Variants in KAT6B observed in about 807,000 individuals in gnomAD.
KAT6B encodes lysine acetyltransferase 6B.
In KAT6B, 10 loss-of-function variants were observed where a neutral mutation model predicts 187.5. That is an observed-to-expected ratio of 0.05 (90% confidence interval 0.03 to 0.09). The LOEUF (loss-of-function observed/expected upper bound fraction) is 0.09. KAT6B is among the 10% of genes least tolerant of loss of function. KAT6B has a pLI of 1.00. For synonymous variants in KAT6B, 861 were observed against 926.8 expected (o/e 0.93, Z 1.29); for missense variants, 1,952 against 2,558.9 (o/e 0.76, Z 5.12).
At chr10:75,020,861 C>A in intron 14 of KAT6B, 48 bp downstream of exon 14, 1 of 1,476,992 alleles carries the variant, frequency 6.8e-7, no homozygotes, top group Non-Finnish European at 9.4e-7. Flanking sequence ...CATCCCACAC[C>A]AGAAAGGGTC....
At chr10:74,931,128 A>T (rs2133174709) in intron 3 of KAT6B, among the ~76,000 whole-genome samples, 1 of 152,270 alleles carries the variant, frequency 6.6e-6, no homozygotes, top group African/African-American at 2.4e-5. Context: ...ACTAGTGTTG[A>T]GGATTTTGTG....
chr10:74,958,687 A>G (rs2133498447), intron 3 of KAT6B, among the ~76,000 whole-genome samples: 1 of 152,340 alleles, frequency 6.6e-6, no homozygotes, highest in Non-Finnish European at 1.5e-5. Context: ...AGCAATTTTC[A>G]TACGAGAGTT....
At chr10:74,891,051 A>G (rs1320242269) in intron 3 of KAT6B, among the ~76,000 whole-genome samples, 1 of 152,370 alleles carries the variant, frequency 6.6e-6, no homozygotes, top group African/African-American at 2.4e-5. Context: ...AAGAGGTAAA[A>G]TTGAACATGA....
At chr10:74,868,539 G>A (rs1217025255) in intron 3 of KAT6B, among the ~76,000 whole-genome samples, 1 of 152,168 alleles carries the variant, frequency 6.6e-6, no homozygotes, top group Admixed American at 6.6e-5. Context: ...GGTAACCTCA[G>A]AGAAAGTGAC....
chr10:74,864,846 A>G (rs1843441617), intron 3 of KAT6B, among the ~76,000 whole-genome samples: 2 of 152,232 alleles, frequency 1.3e-5, no homozygotes, highest in South Asian at 2.1e-4. Flanking sequence ...AAAGGCAGCC[A>G]CACTTGGTGG....
At chr10:74,914,170 A>G (rs1165156989) in intron 3 of KAT6B, among the ~76,000 whole-genome samples, 2 of 151,580 alleles carry the variant, frequency 1.3e-5, no homozygotes, top group East Asian at 1.9e-4. Flanking sequence ...TGGGTGACAG[A>G]GCGAGACTCT....
At chr10:74,958,614 T>C (rs1006468753) in intron 3 of KAT6B, among the ~76,000 whole-genome samples, 4 of 152,216 alleles carry the variant, frequency 2.6e-5, no homozygotes, top group Admixed American at 1.3e-4. Flanking sequence ...AATACTAGCA[T>C]TGCTGATAGT....
intron 3 of KAT6B, among the ~76,000 whole-genome samples, chr10:74,943,094 A>G (rs1849817343): frequency 6.6e-6 from 1 of 152,232 alleles, no homozygotes; most frequent in Non-Finnish European, 1.5e-5. Context: ...ATCCTAAGGA[A>G]TCTTTAAGAC....
chr10:74,878,399 C>T (rs1247780205), intron 3 of KAT6B, among the ~76,000 whole-genome samples: 1 of 151,862 alleles, frequency 6.6e-6, no homozygotes, highest in Non-Finnish European at 1.5e-5. Flanking sequence ...AACAAATGAC[C>T]CCTAAAGCTC....
rs35201520 is a variant in KAT6B, at chr10:74,960,554, TA to T, written c.730+488del. ...CTATTTCTCTAGTTATAGTAATCTC[TA>T]AAAAAAAAAAACAAAAACAAAAATC... On this transcript the variant is annotated intron_variant, in intron 4 of 17. Transcript: ENST00000287239. Among the ~76,000 whole-genome samples the T allele has an allele frequency of 5.7e-3, 819 of 142,668 alleles. 35 individuals are homozygous for T. The highest frequency in any genetic ancestry group is 0.048 in the Admixed American group (686 of 14,318). The allele number at this position is 142,668 out of a possible 152,430, so 93.6% of individuals were successfully genotyped here. A position where few individuals can be genotyped will look rare whatever the true frequency, so the allele number is the denominator to read the frequency against.
chr10:74,990,196 C>CAAAAAAA (rs56300641), intron 13 of KAT6B, among the ~76,000 whole-genome samples: 13 of 39,418 alleles, frequency 3.3e-4, no homozygotes, highest in South Asian at 1.5e-3. Context: ...GACTCTGTCT[C>CAAAAAAA]AAAAAAAAAA....
chr10:75,007,711 AT>A (rs1303364577), intron 13 of KAT6B, among the ~76,000 whole-genome samples: 1 of 152,118 alleles, frequency 6.6e-6, no homozygotes, highest in Non-Finnish European at 1.5e-5. Context: ...GTTTTTTGTC[AT>A]TTTATGTATC....
chr10:74,851,591 A>G (rs1056544241), intron 3 of KAT6B, among the ~76,000 whole-genome samples: 3 of 152,124 alleles, frequency 2.0e-5, no homozygotes, highest in African/African-American at 7.2e-5. Context: ...TCGGCCTCCC[A>G]AAGTGCTGGG....
At position 74,902,658 on chromosome 10, in the gene KAT6B, T is replaced by C. The variant is rs916318771; in HGVS notation, c.622-57312T>C. Among the ~76,000 whole-genome samples the C allele has an allele frequency of 1.6e-4, 24 of 152,208 alleles. 1 individual carries two copies. The highest frequency in any genetic ancestry group is 1.0e-3 in the Admixed American group (16 of 15,282). ...AAATTTTAGAATCATAGTGGTAACATTTTAAAGATCTTCATATCTACTTGT... is the reference window on the plus strand; with the variant it reads ...AAATTTTAGAATCATAGTGGTAACACTTTAAAGATCTTCATATCTACTTGT... On this transcript the variant is annotated intron_variant, in intron 3 of 17. Transcript: ENST00000287239.
intron 3 of KAT6B, among the ~76,000 whole-genome samples, chr10:74,936,626 A>C (rs1173645379): frequency 2.0e-5 from 3 of 152,158 alleles, no homozygotes; most frequent in Admixed American, 2.0e-4. Context: ...TAGATAGGAA[A>C]ATTGAATCTT....
chr10:75,022,883 C>G (rs1028292926), intron 16 of KAT6B, among the ~76,000 whole-genome samples: 4 of 152,202 alleles, frequency 2.6e-5, no homozygotes, highest in African/African-American at 9.7e-5. Flanking sequence ...GAGATCGCAC[C>G]ATTGCACTCC....
intron 16 of KAT6B, 85 bp from the exon 17 acceptor site, chr10:75,024,873 G>A (rs1225402957): frequency 7.2e-6 from 9 of 1,248,810 alleles, no homozygotes; most frequent in East Asian, 4.8e-5. Context: ...TCTCAGACAC[G>A]CGTTCAGTAC....
At chr10:74,997,278 C>CA (rs1181164291) in intron 13 of KAT6B, among the ~76,000 whole-genome samples, 7 of 126,062 alleles carry the variant, frequency 5.6e-5, no homozygotes, top group Admixed American at 2.0e-4. Context: ...AATACATAAA[C>CA]AAATAGGCAG....
chr10:74,918,807 A>G (rs1000360916), intron 3 of KAT6B, among the ~76,000 whole-genome samples: 1 of 152,216 alleles, frequency 6.6e-6, no homozygotes, highest in Non-Finnish European at 1.5e-5. Flanking sequence ...TTTATTTCAT[A>G]TGCATTCTTG....
Sources: gnomAD v4.1 joint callset for allele counts (sites outside exome capture counted in the v4.1 genomes callset) on GRCh38, gnomAD v4.1.1 for gene constraint, MANE v1.5 for transcripts, NCBI Gene and HGNC (gene_info 2026-07-23, HGNC 2026-07-21) for gene names.